Variants in GJA5 observed in about 807,000 individuals in gnomAD.
GJA5 encodes the protein gap junction protein alpha 5, also known as gap junction alpha-5 protein.
A neutral mutation model predicts 7.9 loss-of-function variants in GJA5; 3 were observed. The observed-to-expected ratio is 0.38, with a 90% CI of 0.17 to 0.99. The LOEUF (loss-of-function observed/expected upper bound fraction) is 0.99. GJA5 is among the 50% of genes least tolerant of loss of function. GJA5 has a pLI of 0.38. For synonymous variants in GJA5, 193 were observed against 181.0 expected (o/e 1.07, Z -0.53); for missense variants, 390 against 457.9 (o/e 0.85, Z 1.35).
rs1453899590 is a variant in GJA5, at chr1:147,757,160, C to G, written c.*1002G>C. The G allele has an allele frequency of 6.6e-6, 1 of 152,152 alleles. No homozygotes were observed. The highest frequency in any genetic ancestry group is 2.4e-5 in the African/African-American group (1 of 41,424). The allele number at this position is 152,152 out of a possible 1,614,324, so 9.4% of individuals were successfully genotyped here. On this transcript the variant is annotated 3_prime_UTR_variant, in exon 2 of 2. Coordinates refer to ENST00000579774, the MANE Select transcript of GJA5 (RefSeq NM_181703.4). ...GAATTTTTTTTTCCACAAGGGGAAT[C>G]TGAGAAGTACAATGCTTTCTTTGTT...
In GJA5 at chr1:147,759,007, A is replaced by G. The variant is rs1157264363; in HGVS notation, c.232T>C (p.Trp78Arg). 4 of 1,614,210 alleles carry G rather than the reference A, an allele frequency of 2.5e-6. No individual in the cohort carries two copies. The highest frequency in any genetic ancestry group is 3.4e-6 in the Non-Finnish European group (4 of 1,180,022). ...QAFPISHIRYWVLQIIFVSTP... is the reference protein window; with the variant it reads ...QAFPISHIRYRVLQIIFVSTP... Reference sequence around the variant, plus strand: ...GAGACGAAGATGATCTGCAGCACCCAGTAGCGAATGTGGGAGATGGGGAAA... The same window carrying G: ...GAGACGAAGATGATCTGCAGCACCCGGTAGCGAATGTGGGAGATGGGGAAA... Residue 78 changes from tryptophan to arginine, a missense_variant, in exon 2 of 2, where the codon TGG becomes CGG. Physicochemically the swap from Trp to Arg is moderately radical, Grantham distance 101. This residue lies in a region of GJA5 where 354 missense variants were observed against 370.9 expected (regional missense o/e 0.95). Transcript: ENST00000579774.
At chr1:147,769,512 C>T (rs1381370494) in intron 1 of GJA5, among the ~76,000 whole-genome samples, 1 of 152,184 alleles carries the variant, frequency 6.6e-6, no homozygotes, top group Non-Finnish European at 1.5e-5. Context: ...AGAACAGTAT[C>T]TGGCATATAG....
upstream of GJA5, among the ~76,000 whole-genome samples, chr1:147,765,307 A>G (rs1664159544): frequency 6.6e-6 from 1 of 152,140 alleles, no homozygotes; most frequent in Non-Finnish European, 1.5e-5. Context: ...GCAGAGGAGG[A>G]AACATATAAA....
chr1:147,758,529 C>A lies in GJA5; in HGVS notation c.710G>T (p.Arg237Leu). The A allele has an allele frequency of 6.2e-7, 1 of 1,613,846 alleles. No individual in the cohort carries two copies. Among genetic ancestry groups the A allele is most frequent in the Non-Finnish European group, 8.5e-7 (1 of 1,179,742 alleles). The change falls in exon 2 of 2, where the codon CGA becomes CTA. Residue 237 changes from arginine (R) to leucine (L), a missense_variant. This residue lies in a region of GJA5 where 354 missense variants were observed against 370.9 expected (regional missense o/e 0.95). Transcript: ENST00000579774. The stretch of plus-strand genomic sequence containing the variant: ...CATGTGCTGCCGCGGTTTGACAAAT[C>A]GCTGTCTGATCTTCTTCCAGCCCAG... ...YHLGWKKIRQ[R>L]FVKPRQHMAK...
intron 1 of GJA5, among the ~76,000 whole-genome samples, chr1:147,770,561 T>A (rs893266068): frequency 6.6e-6 from 1 of 152,170 alleles, no homozygotes; most frequent in Non-Finnish European, 1.5e-5. Flanking sequence ...AGGAAGATAT[T>A]TATTAGCATC....
chr1:147,759,112 A>G lies in GJA5; in HGVS notation c.127T>C (p.Ser43Pro). The G allele has an allele frequency of 6.2e-7, 1 of 1,612,816 alleles. No individual in the cohort carries two copies. Among genetic ancestry groups the G allele is most frequent in the Non-Finnish European group, 8.5e-7 (1 of 1,179,172 alleles). ...RMLVLGTAAE[S>P]SWGDEQADFR... ...TCAGCCTGCTCATCCCCCCAGGAAG[A>G]CTCAGCAGCTGTGCCCAGCACGAGC... The change falls in exon 2 of 2, where the codon TCT (serine) becomes CCT (proline). Residue 43 changes from serine to proline, a missense_variant. Physicochemically the swap from Ser to Pro is moderately conservative, Grantham distance 74. Coordinates refer to ENST00000579774, the MANE Select transcript of GJA5 (RefSeq NM_181703.4).
intron 1 of GJA5, among the ~76,000 whole-genome samples, chr1:147,767,318 CACTCTATAAGT>C (rs1164871800): frequency 4.6e-5 from 7 of 152,138 alleles, no homozygotes; most frequent in Non-Finnish European, 7.4e-5. Context: ...ATGTGCCAGA[CACTCTATAAGT>C]GTCTTTCCAT....
chr1:147,758,219 G>A lies in GJA5; in HGVS notation c.1020C>T (p.Asp340=), dbSNP rs781918017. Residue 340 remains aspartate (D), a synonymous_variant, in exon 2 of 2, where the codon GAC becomes GAT. Transcript: ENST00000579774. The stretch of plus-strand genomic sequence containing the variant: ...TGCTGGCCTTACTAAGACGTCGCTT[G>A]TCACTATGATAGCCATGGGGAAGGC... ...GHRLPHGYHS[D]KRRLSKASSK... The A allele has an allele frequency of 1.2e-6, 2 of 1,614,130 alleles. 1 individual carries two copies. Among genetic ancestry groups the A allele is most frequent in the South Asian group, 2.2e-5 (2 of 91,076 alleles).
At chr1:147,769,558 G>C (rs1664324512) in intron 1 of GJA5, among the ~76,000 whole-genome samples, 1 of 152,104 alleles carries the variant, frequency 6.6e-6, no homozygotes, top group Admixed American at 6.6e-5. Context: ...TTTCTTTTCT[G>C]ACATTTCCAG....
In GJA5 at chr1:147,758,504, C is replaced by T. The variant is rs782341244; in HGVS notation, c.735G>A (p.Met245Ile). Residue 245 changes from methionine to isoleucine, a missense_variant, in exon 2 of 2, where the codon ATG becomes ATA. This residue lies in a region of GJA5 where 354 missense variants were observed against 370.9 expected (regional missense o/e 0.95). Transcript: ENST00000579774. ...AGGGGCCAGAAAGCTGGCACTTAGC[C>T]ATGTGCTGCCGCGGTTTGACAAATC... ...RQRFVKPRQH[M>I]AKCQLSGPSV... 3 of 1,614,182 alleles carry T rather than the reference C, an allele frequency of 1.9e-6. No individual in the cohort carries two copies. Among genetic ancestry groups the T allele is most frequent in the Non-Finnish European group, 2.5e-6 (3 of 1,179,986 alleles).
At chr1:147,767,579 TTA>T (rs1553228383) in intron 1 of GJA5, among the ~76,000 whole-genome samples, 1 of 149,452 alleles carries the variant, frequency 6.7e-6, no homozygotes, top group Admixed American at 6.7e-5. Flanking sequence ...TTTTTTTTTT[TTA>T]GAGATGGGGT....
In GJA5 at chr1:147,756,381, C is replaced by T. The variant is rs185168088; in HGVS notation, c.*1781G>A. The T allele has an allele frequency of 6.6e-6, 1 of 152,284 alleles. No individual in the cohort carries two copies. The highest frequency in any genetic ancestry group is 2.4e-5 in the African/African-American group (1 of 41,550). The allele number at this position is 152,284 out of a possible 1,614,324, so 9.4% of individuals were successfully genotyped here. On this transcript the variant is annotated 3_prime_UTR_variant, in exon 2 of 2. Coordinates refer to ENST00000579774, the MANE Select transcript of GJA5 (RefSeq NM_181703.4). ...TGCTAGGCAATAGATTAAAAGGTGT[C>T]CCCTCCAGGGACCCGGGATGATCAG...
chr1:147,770,472 C>T (rs1230951197), intron 1 of GJA5, among the ~76,000 whole-genome samples: 2 of 152,112 alleles, frequency 1.3e-5, no homozygotes, highest in Non-Finnish European at 2.9e-5. Flanking sequence ...ACCAGCAATA[C>T]CTCCTTGGAA....
rs1663774913 is a variant in GJA5, at chr1:147,757,248, G to A, written c.*914C>T. On this transcript the variant is annotated 3_prime_UTR_variant, in exon 2 of 2. Transcript: ENST00000579774. ...CTGATGATCTGGTCAGGGTTCGAGA[G>A]AGGACAACAGCTTCTTGGATATTCC... The A allele has an allele frequency of 6.6e-6, 1 of 152,268 alleles. No individual in the cohort carries two copies. 9.4% of individuals were successfully genotyped at this position (152,268 alleles called of 1,614,324 possible).
intron 1 of GJA5, among the ~76,000 whole-genome samples, chr1:147,766,495 C>T (rs1396812859): frequency 6.6e-6 from 1 of 152,086 alleles, no homozygotes; most frequent in Non-Finnish European, 1.5e-5. Context: ...GGGACACCTG[C>T]CCAATGACGA....
At chr1:147,770,654 C>T (rs1664362289) in intron 1 of GJA5, among the ~76,000 whole-genome samples, 1 of 152,138 alleles carries the variant, frequency 6.6e-6, no homozygotes, top group Non-Finnish European at 1.5e-5. Context: ...CCAAATGTGA[C>T]TCCAAATGCC....
In GJA5 at chr1:147,758,798, G is replaced by T; in HGVS notation, c.441C>A (p.Gly147=). 1 of 1,614,186 alleles carries T rather than the reference G, an allele frequency of 6.2e-7. No homozygotes were observed. Among genetic ancestry groups the T allele is most frequent in the African/African-American group, 1.3e-5 (1 of 75,052 alleles). The change falls in exon 2 of 2, where the codon GGC becomes GGA. Residue 147 remains glycine (G), a synonymous_variant. Coordinates refer to ENST00000579774, the MANE Select transcript of GJA5 (RefSeq NM_181703.4). The part of the protein sequence containing the change: ...EEGNGRIALQ[G]TLLNTYVCSI... Reference sequence around the variant, plus strand: ...TGCACACATAGGTGTTGAGCAGAGTGCCCTGGAGGGCAATCCTTCCATTCC... The same window carrying T: ...TGCACACATAGGTGTTGAGCAGAGTTCCCTGGAGGGCAATCCTTCCATTCC...
In GJA5 at chr1:147,757,945, G is replaced by A. The variant is rs1663803511; in HGVS notation, c.*217C>T. ...AGGCTTCGTATACTGGGTAGAGGGTGGGGAGGGAACTGCAGTCTGGGTGGG... is the reference window on the plus strand; with the variant it reads ...AGGCTTCGTATACTGGGTAGAGGGTAGGGAGGGAACTGCAGTCTGGGTGGG... On this transcript the variant is annotated 3_prime_UTR_variant, in exon 2 of 2. Transcript: ENST00000579774. The A allele has an allele frequency of 5.1e-6, 3 of 591,354 alleles. No individual in the cohort carries two copies. The highest frequency in any genetic ancestry group is 4.0e-5 in the South Asian group (2 of 50,236). The allele number at this position is 591,354 out of a possible 1,614,324, so 36.6% of individuals were successfully genotyped here.
intron 1 of GJA5, among the ~76,000 whole-genome samples, chr1:147,772,265 T>C (rs1001879736): frequency 2.0e-5 from 3 of 152,092 alleles, no homozygotes; most frequent in Non-Finnish European, 4.4e-5. Flanking sequence ...ATCCCTCTAT[T>C]ATAATGGAAT....
Sources: gnomAD v4.1 joint callset for allele counts (sites outside exome capture counted in the v4.1 genomes callset) on GRCh38, gnomAD v4.1.1 for gene constraint, gnomAD v4.1.1 regional missense constraint, MANE v1.5 for transcripts, NCBI Gene and HGNC (gene_info 2026-07-23, HGNC 2026-07-21) for gene names.